M6PR: variants seen among roughly 807,000 people sequenced by gnomAD.
M6PR encodes the protein cation-dependent mannose-6-phosphate receptor.
M6PR carries 19 observed loss-of-function variants against 33.1 expected under a neutral mutation model. The ratio of observed to expected loss-of-function variants is 0.57; its 90% confidence interval spans 0.40 to 0.84. M6PR has a LOEUF of 0.84. M6PR is among the 40% of genes least tolerant of loss of function. The probability of loss-of-function intolerance (pLI) is 0.00; values close to 1 mark genes in which losing one functional copy is unlikely to be tolerated. For missense variants in M6PR, 295 were observed against 336.0 expected, an observed-to-expected ratio of 0.88 and a Z score of 0.95; for synonymous variants, 111 against 123.4, an observed-to-expected ratio of 0.90 and a Z score of 0.67.
intron 6 of M6PR, chr12:8,942,211 A>G: frequency 1.4e-6 from 1 of 705,064 alleles, no homozygotes; most frequent in South Asian, 1.9e-5. Context: ...TTGCTCTTTC[A>G]GCAATGTCTT....
intron 1 of M6PR, chr12:8,946,669 AAG>A (rs1413248314): frequency 3.2e-6 from 1 of 317,386 alleles, no homozygotes; most frequent in Admixed American, 4.6e-5. Context: ...AGGGAAATGA[AAG>A]AACTTAAAAA....
rs963215876 is a variant in M6PR at position 8,942,693 on chromosome 12, G to A, written c.585-151C>T. 31 of 814,488 alleles carry A rather than the reference G, an allele frequency of 3.8e-5. No homozygotes were observed. The African/African-American group carries it at 4.7e-4, about 12-fold the overall frequency. The allele number at this position is 814,488 out of a possible 1,614,324, so 50.5% of individuals were successfully genotyped here. A position where few individuals can be genotyped will look rare whatever the true frequency, so the allele number is the denominator to read the frequency against. ...TGATACTAAATGAAAAAGGGGGCTG[G>A]TAACTCTTAGAAAACCAGTTAGAGT... On this transcript the variant is annotated intron_variant, in intron 5 of 6. Coordinates refer to ENST00000000412, the MANE Select transcript of M6PR (RefSeq NM_002355.4).
At chr12:8,946,507 TC>T in intron 1 of M6PR, 102 bp from the exon 2 acceptor site, 2 of 892,714 alleles carry the variant, frequency 2.2e-6, no homozygotes, top group Admixed American at 2.5e-5. Flanking sequence ...ATTTTAATTA[TC>T]CAGAAAGTAC....
chr12:8,943,229 G>A lies in M6PR; in HGVS notation c.584+176C>T. 3.8e-6 allele frequency: 3 copies of A among 796,282 alleles called. No homozygotes were observed. In the South Asian group the frequency reaches 5.6e-5, roughly 15 times the overall value. The allele number at this position is 796,282 out of a possible 1,614,324, so 49.3% of individuals were successfully genotyped here. The stretch of plus-strand genomic sequence containing the variant: ...GGCTTCCCAAAGTGCTGGGATTACA[G>A]GCGTGAGCCCTGTGTCCTGGCAGAA... On this transcript the variant is annotated intron_variant, in intron 5 of 6. Transcript: ENST00000000412.
At chr12:8,942,350 C>G (rs540300571) in intron 6 of M6PR, 66 bp downstream of exon 6, 2 of 1,610,870 alleles carry the variant, frequency 1.2e-6, no homozygotes, top group Non-Finnish European at 1.7e-6. Context: ...TGTGAACAAA[C>G]GAGGATGGTT....
rs1374578776 is a variant in M6PR at position 8,941,501 on chromosome 12, G to A, written c.*317C>T. On this transcript the variant is annotated 3_prime_UTR_variant, in exon 7 of 7. Coordinates refer to ENST00000000412, the MANE Select transcript of M6PR (RefSeq NM_002355.4). ...AATGTGTTTAAAAAACAAACGGCCA[G>A]TGAGCCTGCTACACCATTTTGCCCA... The A allele has an allele frequency of 4.3e-6, 1 of 233,996 alleles. No homozygotes were observed. Among genetic ancestry groups the A allele is most frequent in the Non-Finnish European group, 8.3e-6 (1 of 121,002 alleles). 14.5% of individuals were successfully genotyped at this position (233,996 alleles called of 1,614,324 possible). A position where few individuals can be genotyped will look rare whatever the true frequency, so the allele number is the denominator to read the frequency against.
rs768983741 is a variant in M6PR, at chr12:8,942,543, C to T, written c.585-1G>A. The T allele has an allele frequency of 1.2e-6, 2 of 1,614,028 alleles. No individual in the cohort carries two copies. The highest frequency in any genetic ancestry group is 1.7e-6 in the Non-Finnish European group (2 of 1,179,944). ...ATAAACAGCAACCAGTGATGCAAAC[C>T]TGTAGAGAGAGAAAGACATCTATAC... On this transcript the variant is annotated splice_acceptor_variant, in intron 5 of 6. Coordinates refer to ENST00000000412, the MANE Select transcript of M6PR (RefSeq NM_002355.4). LOFTEE classifies it high-confidence loss of function.
At chr12:8,943,584 C>T (rs1335545976) in intron 4 of M6PR, 49 bp from the exon 5 acceptor site, 1 of 1,611,236 alleles carries the variant, frequency 6.2e-7, no homozygotes, top group Non-Finnish European at 8.5e-7. Flanking sequence ...TGTTTTGACT[C>T]CTGTCCAACA....
chr12:8,941,925 CAA>C lies in M6PR; in HGVS notation c.725_726del (p.Phe242CysfsTer5). 1 of 1,614,014 alleles carries C rather than the reference CAA, an allele frequency of 6.2e-7. No individual in the cohort carries two copies. Among genetic ancestry groups the C allele is most frequent in the Non-Finnish European group, 8.5e-7 (1 of 1,180,008 alleles). On this transcript the variant is annotated frameshift_variant, in exon 7 of 7. Transcript: ENST00000000412. LOFTEE classifies it high-confidence loss of function. ...LGNLVADGCD[F>X]VCRSKPRNVP... ...ACATTTCGAGGTTTAGAACGGCAGA[CAA>C]AGTCACAGCCATCCTGTAGGGGGAA...
chr12:8,946,353 C>T lies in M6PR; in HGVS notation c.52G>A (p.Ala18Thr), dbSNP rs368554918. The change falls in exon 2 of 7, where the codon GCT becomes ACT. Residue 18 changes from alanine (A) to threonine (T), a missense_variant. Transcript: ENST00000000412. ...TGCCAGGATTCTCTCACTGCCACAG[C>T]CAGGAGTAGTAGTAGCAGTCCAGTC... is the stretch of plus-strand genomic sequence containing the variant. ...WRTGLLLLLL[A>T]VAVRESWQTE... The T allele has an allele frequency of 3.7e-6, 6 of 1,614,124 alleles. No homozygotes were observed. Among genetic ancestry groups the T allele is most frequent in the Non-Finnish European group, 5.1e-6 (6 of 1,180,024 alleles).
intron 4 of M6PR, 58 bp from the exon 5 acceptor site, chr12:8,943,593 C>A (rs753929487): frequency 3.2e-5 from 52 of 1,608,482 alleles, no homozygotes; most frequent in Non-Finnish European, 4.3e-5. Flanking sequence ...TCCTGTCCAA[C>A]AAAATAAAAA....
In M6PR at chr12:8,941,739, G is replaced by A. The variant is rs1946011635; in HGVS notation, c.*79C>T. ...AGTAAGGGTGAGATGAGGGACTGGA[G>A]TTGAGACTGCTTGAGAAATCTGGCT... On this transcript the variant is annotated 3_prime_UTR_variant, in exon 7 of 7. Transcript: ENST00000000412. The A allele has an allele frequency of 1.3e-6, 2 of 1,575,162 alleles. No individual in the cohort carries two copies. Among genetic ancestry groups the A allele is most frequent in the Non-Finnish European group, 1.7e-6 (2 of 1,146,264 alleles).
chr12:8,945,317 T>C (rs368724793), intron 3 of M6PR, 101 bp downstream of exon 3: 2 of 1,223,590 alleles, frequency 1.6e-6, no homozygotes, highest in Non-Finnish European at 2.4e-6. Context: ...ACACGTATGA[T>C]ATGCTGAAGA....
rs1945999262 is a variant in M6PR at position 8,941,219 on chromosome 12, C to T, written c.*599G>A. On this transcript the variant is annotated 3_prime_UTR_variant, in exon 7 of 7. Transcript: ENST00000000412. ...GTATAATCCTGTAATTGGGAAATTT[C>T]ACATTTTTCCTGTCCTAATCTCAGA... The T allele has an allele frequency of 5.6e-6, 1 of 179,662 alleles. No homozygotes were observed. The highest frequency in any genetic ancestry group is 1.2e-5 in the Non-Finnish European group (1 of 83,972). 11.1% of individuals were successfully genotyped at this position (179,662 alleles called of 1,614,324 possible). A position where few individuals can be genotyped will look rare whatever the true frequency, so the allele number is the denominator to read the frequency against.
At chr12:8,947,414 C>T (rs775164973) in intron 1 of M6PR, among the ~76,000 whole-genome samples, 1 of 152,258 alleles carries the variant, frequency 6.6e-6, no homozygotes, top group East Asian at 1.9e-4. Flanking sequence ...CCACACCCCA[C>T]TAAAGCAAAA....
chr12:8,947,732 AGTC>A (rs1047454130), intron 1 of M6PR, among the ~76,000 whole-genome samples: 3 of 152,166 alleles, frequency 2.0e-5, no homozygotes, highest in Non-Finnish European at 4.4e-5. Context: ...TGAGCCAGAG[AGTC>A]TAGCTCCAGA....
intron 3 of M6PR, chr12:8,945,157 C>T: frequency 2.9e-6 from 1 of 339,742 alleles, no homozygotes; most frequent in Non-Finnish European, 5.5e-6. Flanking sequence ...GACTCCGTCT[C>T]AAAACAAAAC....
intron 1 of M6PR, among the ~76,000 whole-genome samples, chr12:8,947,298 C>A (rs1946108356): frequency 6.6e-6 from 1 of 152,188 alleles, no homozygotes; most frequent in African/African-American, 2.4e-5. Flanking sequence ...GCAGAATTTT[C>A]ATGGGTACTA....
chr12:8,942,505 AC>A lies in M6PR; in HGVS notation c.621del (p.Phe208SerfsTer7). 1 of 1,614,148 alleles carries A rather than the reference AC, an allele frequency of 6.2e-7. No homozygotes were observed. Among genetic ancestry groups the A allele is most frequent in the African/African-American group, 1.3e-5 (1 of 75,020 alleles). ...CCCACTACCAGTCGCTGGTATAGGA[AC>A]CCCCCAACAACATAAACAGCAACCA... Reference protein sequence around the residue: ...ASLVAVYVVGGFLYQRLVVGA... With the variant: ...ASLVAVYVVGXFLYQRLVVGA... On this transcript the variant is annotated frameshift_variant, in exon 6 of 7. Coordinates refer to ENST00000000412, the MANE Select transcript of M6PR (RefSeq NM_002355.4). LOFTEE classifies it high-confidence loss of function.
Sources: gnomAD v4.1 joint callset for allele counts (sites outside exome capture counted in the v4.1 genomes callset) on GRCh38, gnomAD v4.1.1 for gene constraint, MANE v1.5 for transcripts, NCBI Gene and HGNC (gene_info 2026-07-23, HGNC 2026-07-21) for gene names.